Variants in GRM7 observed in about 807,000 individuals in gnomAD.
GRM7 encodes glutamate metabotropic receptor 7.
A neutral mutation model predicts 84.5 loss-of-function variants in GRM7; 35 were observed. The ratio of observed to expected loss-of-function variants is 0.41; its 90% CI spans 0.32 to 0.55. The LOEUF is 0.55. Ranked by LOEUF, GRM7 falls within the 20% of genes least tolerant of loss-of-function variation. The probability of loss-of-function intolerance (pLI) is 0.19; values close to 1 mark genes in which losing one functional copy is unlikely to be tolerated. For missense variants in GRM7, 1,003 were observed against 1,194.6 expected (o/e 0.84, Z 2.36); for synonymous variants, 487 against 455.1 (o/e 1.07, Z -0.89).
At chr3:6,914,205 C>T (rs1198189952) in intron 1 of GRM7, among the ~76,000 whole-genome samples, 1 of 152,108 alleles carries the variant, frequency 6.6e-6, no homozygotes, top group East Asian at 1.9e-4. Context: ...AATCAATAAA[C>T]CATTAGTAGG....
chr3:7,130,007 A>C (rs1693537604), intron 1 of GRM7, among the ~76,000 whole-genome samples: 1 of 152,116 alleles, frequency 6.6e-6, no homozygotes, highest in Admixed American at 6.5e-5. Context: ...AAGAGATGTG[A>C]TTCGAATTGT....
intron 2 of GRM7, among the ~76,000 whole-genome samples, chr3:7,277,366 A>C (rs894554745): frequency 1.3e-5 from 2 of 152,058 alleles, no homozygotes; most frequent in African/African-American, 2.4e-5. Context: ...TATTTCATAA[A>C]AGGGAACTGT....
intron 1 of GRM7, among the ~76,000 whole-genome samples, chr3:7,000,102 A>G (rs927931607): frequency 6.6e-6 from 1 of 151,660 alleles, no homozygotes; most frequent in African/African-American, 2.4e-5. Flanking sequence ...CTCTCATGCT[A>G]AAGTTTTTTG....
At chr3:7,203,039 C>T (rs770554767) in intron 2 of GRM7, among the ~76,000 whole-genome samples, 89 of 152,160 alleles carry the variant, frequency 5.8e-4, no homozygotes, top group Non-Finnish European at 6.2e-4. Flanking sequence ...CATCACCTTT[C>T]GTCATTTCTA....
At chr3:7,097,431 A>G (rs889051290) in intron 1 of GRM7, among the ~76,000 whole-genome samples, 14 of 152,140 alleles carry the variant, frequency 9.2e-5, no homozygotes, top group Admixed American at 3.9e-4. Context: ...CTTGGCCTGA[A>G]AGAAGTATTA....
rs375681349 is a variant in GRM7, at chr3:6,891,389, T to G, written c.519+29482T>G. Among the ~76,000 whole-genome samples the G allele has an allele frequency of 1.5e-4, 23 of 152,306 alleles. No homozygotes were observed. In the East Asian group the frequency reaches 1.5e-3, roughly 10 times the overall value. ...CTGGTACCGGTTGTTGCTTTCCGCGTTTAGTGCTTCCTTCAGGAGCTCTTT... is the reference window on the plus strand; with the variant it reads ...CTGGTACCGGTTGTTGCTTTCCGCGGTTAGTGCTTCCTTCAGGAGCTCTTT... On this transcript the variant is annotated intron_variant, in intron 1 of 9. Coordinates refer to ENST00000357716, the MANE Select transcript of GRM7 (RefSeq NM_000844.4).
intron 1 of GRM7, among the ~76,000 whole-genome samples, chr3:7,116,683 T>C (rs1693044824): frequency 6.6e-6 from 1 of 152,220 alleles, no homozygotes; most frequent in African/African-American, 2.4e-5. Flanking sequence ...GTTATCGTAC[T>C]ATGAAGATTT....
intron 1 of GRM7, among the ~76,000 whole-genome samples, chr3:7,137,968 A>G (rs138781947): frequency 1.3e-5 from 2 of 152,252 alleles, no homozygotes; most frequent in South Asian, 2.1e-4. Context: ...GTAAATGTAA[A>G]TATTTTATAC....
At chr3:7,423,288 T>G (rs1186254666) in intron 5 of GRM7, among the ~76,000 whole-genome samples, 2 of 152,208 alleles carry the variant, frequency 1.3e-5, no homozygotes, top group Non-Finnish European at 2.9e-5. Context: ...CCATAAATGC[T>G]AGAAGCCATA....
At chr3:7,711,157 T>G (rs1168509498) in intron 9 of GRM7, among the ~76,000 whole-genome samples, 3 of 152,130 alleles carry the variant, frequency 2.0e-5, no homozygotes, top group Non-Finnish European at 4.4e-5. Context: ...AAAAGAAAGA[T>G]AAAGAATATG....
At chr3:7,506,631 G>C (rs1000648222) in intron 7 of GRM7, among the ~76,000 whole-genome samples, 6 of 152,202 alleles carry the variant, frequency 3.9e-5, no homozygotes, top group Admixed American at 6.5e-5. Context: ...AGAAGTCTAA[G>C]AACACGGTGC....
At chr3:7,146,256 C>T (rs970454829) in intron 1 of GRM7, among the ~76,000 whole-genome samples, 196 bp from the exon 2 acceptor site, 1 of 152,162 alleles carries the variant, frequency 6.6e-6, no homozygotes, top group African/African-American at 2.4e-5. Context: ...AGGCAAGACG[C>T]TGAAGTCAAT....
intron 9 of GRM7, among the ~76,000 whole-genome samples, chr3:7,685,160 A>T (rs1321344395): frequency 6.6e-6 from 1 of 152,150 alleles, no homozygotes; most frequent in African/African-American, 2.4e-5. Flanking sequence ...TTCAAGTTGG[A>T]TGGATAATAT....
chr3:7,223,672 T>A (rs1351764272), intron 2 of GRM7, among the ~76,000 whole-genome samples: 2 of 152,216 alleles, frequency 1.3e-5, no homozygotes, highest in African/African-American at 4.8e-5. Context: ...TCTACAAACA[T>A]GACAATAAAA....
chr3:7,069,289 G>A (rs1399658157), intron 1 of GRM7, among the ~76,000 whole-genome samples: 1 of 151,986 alleles, frequency 6.6e-6, no homozygotes, highest in Non-Finnish European at 1.5e-5. Flanking sequence ...CCAGTGAGTA[G>A]TGCAGTTGTG....
chr3:7,170,971 T>C (rs1694965953), intron 2 of GRM7, among the ~76,000 whole-genome samples: 1 of 152,146 alleles, frequency 6.6e-6, no homozygotes. Flanking sequence ...ATGCTGCTCA[T>C]CACATCTGGA....
At chr3:7,062,549 A>G (rs1697465630) in intron 1 of GRM7, among the ~76,000 whole-genome samples, 1 of 151,804 alleles carries the variant, frequency 6.6e-6, no homozygotes, top group South Asian at 2.1e-4. Flanking sequence ...TAATTTCTCC[A>G]ATCACCCCCA....
At chr3:7,485,585 A>G (rs1204997303) in intron 7 of GRM7, among the ~76,000 whole-genome samples, 3 of 152,228 alleles carry the variant, frequency 2.0e-5, no homozygotes, top group Non-Finnish European at 2.9e-5. Context: ...TTTAAACACA[A>G]AAGATTTAAA....
intron 7 of GRM7, among the ~76,000 whole-genome samples, chr3:7,503,536 T>C (rs1295892808): frequency 6.6e-6 from 1 of 152,192 alleles, no homozygotes; most frequent in East Asian, 1.9e-4. Flanking sequence ...TGATTATTCC[T>C]TCTTTTCAAA....
Sources: gnomAD v4.1 joint callset for allele counts (sites outside exome capture counted in the v4.1 genomes callset) on GRCh38, gnomAD v4.1.1 for gene constraint, MANE v1.5 for transcripts, NCBI Gene and HGNC (gene_info 2026-07-23, HGNC 2026-07-21) for gene names.